SPAG17: variants seen among roughly 807,000 people sequenced by gnomAD.
SPAG17 encodes sperm associated antigen 17, also known as sperm-associated antigen 17.
Under a neutral mutation model 273.6 loss-of-function variants are expected in SPAG17, and 169 were observed. The ratio of observed to expected loss-of-function variants is 0.62; its 90% CI spans 0.55 to 0.70. The LOEUF (loss-of-function observed/expected upper bound fraction) is 0.70, where lower values mean the gene tolerates loss of function less well. Among genes scored for constraint, SPAG17 ranks in the 30% least tolerant of loss-of-function variants. The probability of loss-of-function intolerance (pLI) is 0.00; values close to 1 mark genes in which losing one functional copy is unlikely to be tolerated. For missense variants in SPAG17, 2,557 were observed against 2,627.8 expected, an observed-to-expected ratio of 0.97 and a Z score of 0.59; for synonymous variants, 825 against 873.2, an observed-to-expected ratio of 0.94 and a Z score of 0.97.
At chr1:118,134,253 T>G (rs1658216009) in intron 3 of SPAG17, among the ~76,000 whole-genome samples, 1 of 152,216 alleles carries the variant, frequency 6.6e-6, no homozygotes, top group Non-Finnish European at 1.5e-5. Context: ...TAGAAAAACA[T>G]GCTTTTTATT....
intron 48 of SPAG17, chr1:117,957,321 A>G: frequency 8.0e-7 from 1 of 1,244,502 alleles, no homozygotes; most frequent in South Asian, 1.8e-5. Flanking sequence ...TCACACCCGT[A>G]ATCCCAGCAC....
chr1:118,152,014 T>C (rs889211815), intron 1 of SPAG17, among the ~76,000 whole-genome samples: 2 of 152,208 alleles, frequency 1.3e-5, no homozygotes, highest in African/African-American at 2.4e-5. Flanking sequence ...TTTATTGTAA[T>C]TGTAATTTCT....
Position 118,081,505 on chromosome 1 carries a change from T to C in SPAG17, c.1900A>G (p.Ile634Val), listed in dbSNP as rs868554589. ...MCGSDSEMFNIPWDNPARFAK... is the reference protein window; with the variant it reads ...MCGSDSEMFNVPWDNPARFAK... ...AATCTGGCAGGGTTGTCCCACGGTA[T>C]GTTGAACATTTCAGAATCTGACCCA... The change falls in exon 14 of 49, where the codon ATA becomes GTA. Residue 634 changes from isoleucine (I) to valine (V), a missense_variant. Coordinates refer to ENST00000336338, the MANE Select transcript of SPAG17 (RefSeq NM_206996.4). 2 of 1,613,912 alleles carry C rather than the reference T, an allele frequency of 1.2e-6. No individual in the cohort carries two copies. Among genetic ancestry groups the C allele is most frequent in the Non-Finnish European group, 1.7e-6 (2 of 1,180,004 alleles).
At chr1:118,014,731 C>T (rs1285804379) in intron 29 of SPAG17, among the ~76,000 whole-genome samples, 1 of 152,160 alleles carries the variant, frequency 6.6e-6, no homozygotes, top group Non-Finnish European at 1.5e-5. Flanking sequence ...AGTTAAGGCA[C>T]TTAGGAACGT....
intron 28 of SPAG17, among the ~76,000 whole-genome samples, chr1:118,019,671 G>T (rs921842375): frequency 6.6e-6 from 1 of 152,084 alleles, no homozygotes; most frequent in Non-Finnish European, 1.5e-5. Flanking sequence ...TCCATACCTA[G>T]TCAAATTTAT....
rs200203535 is a variant in SPAG17 at position 118,008,172 on chromosome 1, G to A, written c.4459C>T (p.Gln1487Ter). Residue 1487 changes from glutamine (Q) to a stop codon, truncating the protein, a stop_gained, in exon 31 of 49, where the codon CAG becomes TAG. Coordinates refer to ENST00000336338, the MANE Select transcript of SPAG17 (RefSeq NM_206996.4). LOFTEE classifies it high-confidence loss of function. ...TTEGPRTVTR[Q>*]VKCMRVESSR... ...CTTTCTACCCGCATACACTTCACCT[G>A]CCTGGTGACAGTCCGAGGACCCTCG... 3 of 1,613,916 alleles carry A rather than the reference G, an allele frequency of 1.9e-6. No individual in the cohort carries two copies. Among genetic ancestry groups the A allele is most frequent in the Non-Finnish European group, 2.5e-6 (3 of 1,179,942 alleles).
At chr1:118,006,319 T>C (rs553292524) in intron 31 of SPAG17, among the ~76,000 whole-genome samples, 4 of 152,358 alleles carry the variant, frequency 2.6e-5, no homozygotes, top group African/African-American at 9.6e-5. Flanking sequence ...ATACCTATTC[T>C]AGATACTTCA....
intron 9 of SPAG17, 23 bp from the exon 10 acceptor site, chr1:118,091,741 T>A (rs373030151): frequency 1.4e-5 from 21 of 1,480,776 alleles, no homozygotes; most frequent in Non-Finnish European, 1.9e-5. Context: ...GAAAATACCA[T>A]TGCCCAATTA....
At chr1:117,977,419 C>T (rs1409055) in intron 43 of SPAG17, among the ~76,000 whole-genome samples, 77,548 of 152,082 alleles carry the variant, frequency 0.51, 20,225 homozygotes, top group South Asian at 0.65. Flanking sequence ...AAACTCATTC[C>T]AGCCCTAGCT....
At chr1:118,176,819 A>C (rs554182596) in intron 1 of SPAG17, among the ~76,000 whole-genome samples, 4 of 152,348 alleles carry the variant, frequency 2.6e-5, no homozygotes, top group South Asian at 4.1e-4. Context: ...AAATTTCAAC[A>C]AATTAAAAAG....
At chr1:118,020,529 A>G (rs893944376) in intron 28 of SPAG17, among the ~76,000 whole-genome samples, 21 of 152,166 alleles carry the variant, frequency 1.4e-4, no homozygotes, top group Admixed American at 2.6e-4. Flanking sequence ...AAATGTATGA[A>G]TATCTATCAT....
chr1:118,137,714 G>C lies in SPAG17; in HGVS notation c.315+12829C>G, dbSNP rs556248618. On this transcript the variant is annotated intron_variant, in intron 3 of 48. Transcript: ENST00000336338. ...CCAATCATGTTTGTGAAATAGAAGA[G>C]TAAATTATTTTAATGTATAAATATA... Among the ~76,000 whole-genome samples, 35 of 152,196 alleles carry C rather than the reference G, an allele frequency of 2.3e-4. No individual in the cohort carries two copies. In the South Asian group the frequency reaches 2.9e-3, roughly 13 times the overall value.
chr1:118,080,682 G>A (rs1003168125), intron 15 of SPAG17, among the ~76,000 whole-genome samples: 3 of 152,146 alleles, frequency 2.0e-5, no homozygotes, highest in African/African-American at 7.2e-5. Context: ...TTTAATGCTA[G>A]TCTACAATGA....
intron 20 of SPAG17, among the ~76,000 whole-genome samples, chr1:118,044,834 T>C (rs1232475128): frequency 6.6e-6 from 1 of 152,160 alleles, no homozygotes; most frequent in African/African-American, 2.4e-5. Flanking sequence ...CCCCTTCCCC[T>C]TCAGCCAGGA....
intron 3 of SPAG17, among the ~76,000 whole-genome samples, chr1:118,124,978 C>T (rs1408245946): frequency 2.0e-5 from 3 of 152,162 alleles, no homozygotes; most frequent in East Asian, 3.8e-4. Flanking sequence ...CATGGCCAAT[C>T]CCCATCTTAG....
intron 48 of SPAG17, chr1:117,960,148 A>G (rs58411603): frequency 0.045 from 3,637 of 80,304 alleles, 144 homozygotes; most frequent in African/African-American, 0.17. Flanking sequence ...GTGTGTGTGT[A>G]TGTGTATGTG....
chr1:117,953,636 T>G lies in SPAG17; in HGVS notation c.*414A>C, dbSNP rs1651754857. On this transcript the variant is annotated 3_prime_UTR_variant, in exon 49 of 49. Coordinates refer to ENST00000336338, the MANE Select transcript of SPAG17 (RefSeq NM_206996.4). ...TGTATCAACCAGAAAGCCATTTTTT[T>G]GGCAAAAAGTTGATGAGATTTAAAG... 2 of 1,310,246 alleles carry G rather than the reference T, an allele frequency of 1.5e-6. No homozygotes were observed. Among genetic ancestry groups the G allele is most frequent in the African/African-American group, 1.5e-5 (1 of 66,338 alleles). The allele number at this position is 1,310,246 out of a possible 1,614,324, so 81.2% of individuals were successfully genotyped here. A position where few individuals can be genotyped will look rare whatever the true frequency, so the allele number is the denominator to read the frequency against.
chr1:118,121,317 C>T (rs1186693455), intron 3 of SPAG17, among the ~76,000 whole-genome samples: 2 of 152,116 alleles, frequency 1.3e-5, no homozygotes, highest in Non-Finnish European at 2.9e-5. Flanking sequence ...GATCTGGGAC[C>T]TATCTATGCG....
At chr1:118,159,208 T>G (rs1333692676) in intron 1 of SPAG17, among the ~76,000 whole-genome samples, 3 of 152,214 alleles carry the variant, frequency 2.0e-5, no homozygotes, top group East Asian at 3.8e-4. Flanking sequence ...TGGCTTATAT[T>G]CACTGATGAA....
Sources: allele counts gnomAD v4.1 joint callset (sites outside exome capture counted in the v4.1 genomes callset), GRCh38; gene constraint gnomAD v4.1.1; transcripts MANE v1.5; gene names NCBI Gene and HGNC (gene_info 2026-07-23, HGNC 2026-07-21).